Variants in WDHD1 observed in about 807,000 individuals in gnomAD.
WDHD1 encodes the protein WD repeat and HMG-box DNA binding protein 1.
In WDHD1, 111 loss-of-function variants were observed where a neutral mutation model predicts 135.4. The observed-to-expected ratio is 0.82, with a 90% CI of 0.70 to 0.96. The LOEUF (loss-of-function observed/expected upper bound fraction) is 0.96. WDHD1 is among the 40% of genes least tolerant of loss of function. WDHD1 has a pLI of 0.00. For synonymous variants in WDHD1, 434 were observed against 439.0 expected, an observed-to-expected ratio of 0.99 and a Z score of 0.14; for missense variants, 1,351 against 1,336.3, an observed-to-expected ratio of 1.01 and a Z score of -0.17.
At chr14:55,000,690 T>C (rs1044396283) in intron 9 of WDHD1, 46 bp from the exon 10 acceptor site, 7 of 1,422,476 alleles carry the variant, frequency 4.9e-6, no homozygotes, top group Admixed American at 2.6e-5. Context: ...AAGAAAAATA[T>C]AAATTGTACA....
chr14:55,020,923 TTTA>T (rs2042335382), intron 2 of WDHD1, among the ~76,000 whole-genome samples: 1 of 152,190 alleles, frequency 6.6e-6, no homozygotes, highest in South Asian at 2.1e-4. Context: ...ATATTTACTA[TTTA>T]TTAAGTGGAA....
intron 24 of WDHD1, among the ~76,000 whole-genome samples, chr14:54,952,372 T>A (rs1226406639): frequency 6.6e-6 from 1 of 152,200 alleles, no homozygotes; most frequent in Admixed American, 6.6e-5. Flanking sequence ...AGCCAAATCA[T>A]GAGTGAACTC....
At position 54,944,340 on chromosome 14, in the gene WDHD1, C is replaced by T. The variant is rs1459303741; in HGVS notation, c.3181G>A (p.Glu1061Lys). The change falls in exon 25 of 26, where the codon GAA (glutamate) becomes AAA (lysine). Residue 1061 changes from glutamate to lysine, a missense_variant. By Grantham distance (56) the Glu-to-Lys change is moderately conservative (BLOSUM62 1). Around this residue, in one of 2 missense-constraint regions of WDHD1, gnomAD observed 1,330 missense variants for 1,296.1 expected, o/e 1.03. Coordinates refer to ENST00000360586, the MANE Select transcript of WDHD1 (RefSeq NM_007086.4). ...MIRFRVLSTE[E>K]RKVWANKAKG... is the part of the protein sequence containing the mutation. ...GGCACAATTATCCTTACCTTTCTTT[C>T]TTCAGTTGACAATACTCTAAATCGA... 1 of 1,602,508 alleles carries T rather than the reference C, an allele frequency of 6.2e-7. No homozygotes were observed. The highest frequency in any genetic ancestry group is 8.5e-7 in the Non-Finnish European group (1 of 1,177,556).
intron 24 of WDHD1, among the ~76,000 whole-genome samples, chr14:54,952,511 G>A (rs1180571613): frequency 7.2e-5 from 11 of 152,174 alleles, no homozygotes; most frequent in Non-Finnish European, 1.5e-5. Context: ...ACAAACGGAA[G>A]AACATTCCAC....
Position 54,962,860 on chromosome 14 carries a change from G to A in WDHD1, c.2532-7C>T. Reference sequence around the variant, plus strand: ...TGTAGCAGTATTGCTGTAACTAAGAGAAAATAATATTATTCAATAAAGAGC... The same window carrying A: ...TGTAGCAGTATTGCTGTAACTAAGAAAAAATAATATTATTCAATAAAGAGC... On this transcript the variant is annotated splice_region_variant and splice_polypyrimidine_tract_variant and intron_variant, in intron 19 of 25. Transcript: ENST00000360586. 6.2e-7 allele frequency: 1 copy of A among 1,611,464 alleles called. No individual in the cohort carries two copies.
chr14:54,999,591 G>C (rs2041946518), intron 10 of WDHD1, among the ~76,000 whole-genome samples: 1 of 151,954 alleles, frequency 6.6e-6, no homozygotes, highest in Non-Finnish European at 1.5e-5. Flanking sequence ...CTATTTTCTA[G>C]CCTCCACTTT....
At chr14:54,979,650 CT>C (rs1292214777) in intron 16 of WDHD1, among the ~76,000 whole-genome samples, 1 of 152,170 alleles carries the variant, frequency 6.6e-6, no homozygotes, top group Non-Finnish European at 1.5e-5. Context: ...TGAATTGCTG[CT>C]TTGTTTAAAA....
intron 24 of WDHD1, 163 bp from the exon 25 acceptor site, chr14:54,944,633 T>C: frequency 1.4e-6 from 1 of 703,874 alleles, no homozygotes; most frequent in Non-Finnish European, 2.0e-6. Flanking sequence ...TTTTTTTTTT[T>C]TTTTGAGACA....
intron 11 of WDHD1, among the ~76,000 whole-genome samples, chr14:54,993,357 C>A (rs1476353999): frequency 6.6e-6 from 1 of 152,056 alleles, no homozygotes; most frequent in Non-Finnish European, 1.5e-5. Context: ...TGGCCTCAAG[C>A]AATCCTCCTG....
intron 12 of WDHD1, among the ~76,000 whole-genome samples, chr14:54,990,746 G>A (rs903523118): frequency 5.9e-5 from 9 of 151,960 alleles, no homozygotes; most frequent in South Asian, 2.1e-4. Flanking sequence ...CTTTATCCTC[G>A]TGTAGCTTAC....
intron 3 of WDHD1, among the ~76,000 whole-genome samples, chr14:55,012,701 T>C (rs1022809064): frequency 5.9e-5 from 9 of 152,124 alleles, no homozygotes; most frequent in Admixed American, 2.0e-4. Flanking sequence ...GGTCTTCTTA[T>C]TGCATCATCC....
At chr14:54,971,915 G>A (rs962738524) in intron 16 of WDHD1, among the ~76,000 whole-genome samples, 1 of 152,010 alleles carries the variant, frequency 6.6e-6, no homozygotes, top group Non-Finnish European at 1.5e-5. Flanking sequence ...GGCTGGGAAC[G>A]GTGGGTCACA....
At chr14:55,005,394 C>T (rs1465536441) in intron 7 of WDHD1, 2 of 568,052 alleles carry the variant, frequency 3.5e-6, no homozygotes, top group East Asian at 4.5e-5. Flanking sequence ...CAGCCAGCAA[C>T]TGGAGTGACT....
At chr14:54,954,690 T>C (rs563261921) in intron 24 of WDHD1, among the ~76,000 whole-genome samples, 4 of 152,378 alleles carry the variant, frequency 2.6e-5, no homozygotes, top group Admixed American at 2.6e-4. Context: ...TGTATTTACT[T>C]TTTCTGATAG....
chr14:54,947,256 T>G (rs540767793), intron 24 of WDHD1, among the ~76,000 whole-genome samples: 8 of 152,280 alleles, frequency 5.3e-5, no homozygotes, highest in African/African-American at 1.9e-4. Context: ...GGAGAATCAC[T>G]TGAACCCAGA....
Position 55,011,328 on chromosome 14 carries a change from G to A in WDHD1, c.190-868C>T, listed in dbSNP as rs184711972. Among the ~76,000 whole-genome samples the A allele has an allele frequency of 8.9e-4, 135 of 151,996 alleles. No individual in the cohort carries two copies. In the East Asian group the frequency reaches 0.022, roughly 25 times the overall value. On this transcript the variant is annotated intron_variant, in intron 3 of 25. Transcript: ENST00000360586. Reference sequence around the variant, plus strand: ...GTGGATCACGTGAGGTCAGGAGTTCGAGACCAGCCTAGCCAACATGGTGAA... The same window carrying A: ...GTGGATCACGTGAGGTCAGGAGTTCAAGACCAGCCTAGCCAACATGGTGAA...
chr14:54,950,381 T>G (rs2041023692), intron 24 of WDHD1, among the ~76,000 whole-genome samples: 1 of 151,600 alleles, frequency 6.6e-6, no homozygotes, highest in East Asian at 1.9e-4. Flanking sequence ...CCAACAAAGA[T>G]CAAAAGAGAC....
intron 4 of WDHD1, among the ~76,000 whole-genome samples, chr14:55,009,977 C>T (rs1013316314): frequency 1.4e-5 from 2 of 141,676 alleles, no homozygotes; most frequent in Admixed American, 7.1e-5. Context: ...CCCGCCACCA[C>T]ACCCAGCTAA....
At chr14:54,979,765 C>T (rs1349549239) in intron 16 of WDHD1, among the ~76,000 whole-genome samples, 3 of 152,178 alleles carry the variant, frequency 2.0e-5, no homozygotes, top group Non-Finnish European at 4.4e-5. Context: ...CCTATACTAT[C>T]CACTGAGTTT....
Sources: allele counts gnomAD v4.1 joint callset (sites outside exome capture counted in the v4.1 genomes callset), GRCh38; gene constraint gnomAD v4.1.1; regional missense constraint gnomAD v4.1.1; transcripts MANE v1.5; gene names NCBI Gene and HGNC (gene_info 2026-07-23, HGNC 2026-07-21).